Variants in SMC6 observed in about 807,000 individuals in gnomAD.
SMC6 encodes the protein structural maintenance of chromosomes 6.
SMC6 carries 79 observed loss-of-function variants against 142.2 expected under a neutral mutation model. That is an observed-to-expected ratio of 0.56 (90% CI 0.46 to 0.67). SMC6 has a LOEUF of 0.67. Among genes scored for constraint, SMC6 ranks in the 30% least tolerant of loss-of-function variants. The probability of loss-of-function intolerance (pLI) is 0.00; values close to 1 mark genes in which losing one functional copy is unlikely to be tolerated. For missense variants in SMC6, 1,072 were observed against 1,284.0 expected (o/e 0.83, Z 2.52); for synonymous variants, 411 against 412.4 (o/e 1.00, Z 0.04).
At chr2:17,727,217 A>AAAG (rs1195501119) in intron 7 of SMC6, among the ~76,000 whole-genome samples, 1 of 152,162 alleles carries the variant, frequency 6.6e-6, no homozygotes, top group Non-Finnish European at 1.5e-5. Context: ...CTAACATTTC[A>AAAG]GTCAGTGGGC....
intron 25 of SMC6, among the ~76,000 whole-genome samples, chr2:17,671,674 C>A (rs1053907861): frequency 2.1e-5 from 3 of 143,900 alleles, no homozygotes; most frequent in African/African-American, 5.1e-5. Flanking sequence ...TAAATAAAAT[C>A]TTTTAAAATT....
intron 3 of SMC6, 31 bp downstream of exon 3, chr2:17,745,795 CA>C (rs1399366775): frequency 2.6e-6 from 4 of 1,560,994 alleles, no homozygotes; most frequent in Middle Eastern, 1.7e-4. Flanking sequence ...AAAAACATAT[CA>C]AAAAGCATAA....
intron 1 of SMC6, among the ~76,000 whole-genome samples, chr2:17,753,330 C>CGGCCGCCTGGGAGGGGAA (rs1671175506): frequency 6.6e-6 from 1 of 151,664 alleles, no homozygotes; most frequent in Non-Finnish European, 1.5e-5. Context: ...AGTCTGGGGA[C>CGGCCGCCTGGGAGGGGAA]GGCCGCCTGG....
At chr2:17,680,855 A>C (rs1040150412) in intron 24 of SMC6, 3 of 152,246 alleles carry the variant, frequency 2.0e-5, no homozygotes, top group Non-Finnish European at 4.4e-5. Context: ...AATGGTAAAT[A>C]AACATTGGCT....
intron 19 of SMC6, among the ~76,000 whole-genome samples, chr2:17,702,187 T>C (rs1668301716): frequency 6.6e-6 from 1 of 152,202 alleles, no homozygotes; most frequent in African/African-American, 2.4e-5. Context: ...AGAAAAATTT[T>C]TCTGAAACAT....
intron 27 of SMC6, among the ~76,000 whole-genome samples, 154 bp from the exon 28 acceptor site, chr2:17,665,767 C>A (rs1337782716): frequency 6.6e-6 from 1 of 152,048 alleles, no homozygotes; most frequent in Non-Finnish European, 1.5e-5. Context: ...ACATCATTTG[C>A]AATAAGGAAA....
intron 5 of SMC6, among the ~76,000 whole-genome samples, chr2:17,737,438 G>A (rs943525743): frequency 6.6e-6 from 1 of 152,130 alleles, no homozygotes; most frequent in Non-Finnish European, 1.5e-5. Flanking sequence ...CAGCATTTGG[G>A]GCATTTTGCT....
rs970987947 is a variant in SMC6 at position 17,703,353 on chromosome 2, T to A, written c.2007-61A>T. ...ATCTTTTTCTCAATATTACAAATACTTTAGACCTTTACAAAGAAAGCCTTA... is the reference window on the plus strand; with the variant it reads ...ATCTTTTTCTCAATATTACAAATACATTAGACCTTTACAAAGAAAGCCTTA... On this transcript the variant is annotated intron_variant, in intron 18 of 27. Transcript: ENST00000448223. 22 of 1,443,282 alleles carry A rather than the reference T, an allele frequency of 1.5e-5. No homozygotes were observed. The African/African-American group carries it at 2.5e-4, about 16-fold the overall frequency. The allele number at this position is 1,443,282 out of a possible 1,614,324, so 89.4% of individuals were successfully genotyped here.
At position 17,696,358 on chromosome 2, in the gene SMC6, T is replaced by C; in HGVS notation, c.2463A>G (p.Lys821=). The change falls in exon 22 of 28, where the codon AAA becomes AAG. Residue 821 remains lysine (K), a synonymous_variant. Coordinates refer to ENST00000448223, the MANE Select transcript of SMC6 (RefSeq NM_001142286.2). The part of the protein sequence containing the change: ...QKRGKRHYEE[K]QKEHLDTLNK... ...TTAAGGTATCCAAGTGTTCTTTTTG[T>C]TTTTCTTCATAATGTCGTTTCCCTC... 6.2e-7 allele frequency: 1 copy of C among 1,611,768 alleles called. No individual in the cohort carries two copies. Among genetic ancestry groups the C allele is most frequent in the Non-Finnish European group, 8.5e-7 (1 of 1,179,540 alleles).
intron 23 of SMC6, among the ~76,000 whole-genome samples, chr2:17,684,832 TA>T (rs1667378381): frequency 6.6e-6 from 1 of 151,198 alleles, no homozygotes; most frequent in Non-Finnish European, 1.5e-5. Context: ...TCTTAAAGAA[TA>T]AAAACAAACA....
At chr2:17,677,005 ACTT>A (rs750565357) in intron 25 of SMC6, among the ~76,000 whole-genome samples, 1 of 152,160 alleles carries the variant, frequency 6.6e-6, no homozygotes, top group South Asian at 2.1e-4. Context: ...GAAGAATTTT[ACTT>A]CTTCTGTTCC....
Position 17,670,448 on chromosome 2 carries a change from C to A in SMC6, c.3038G>T (p.Cys1013Phe). Residue 1013 changes from cysteine to phenylalanine, a missense_variant, in exon 26 of 28, where the codon TGC (cysteine) becomes TTC (phenylalanine). Coordinates refer to ENST00000448223, the MANE Select transcript of SMC6 (RefSeq NM_001142286.2). ...CATGTAGACATCAAATTCATCCAGG[C>A]ATCTGAAAGGAGATTCTGCGATGGA... The part of the protein sequence containing the change: ...LWSIAESPFR[C>F]LDEFDVYMDM... The A allele has an allele frequency of 6.2e-7, 1 of 1,613,458 alleles. No individual in the cohort carries two copies. The highest frequency in any genetic ancestry group is 8.5e-7 in the Non-Finnish European group (1 of 1,179,732).
chr2:17,716,879 C>A lies in SMC6; in HGVS notation c.1208G>T (p.Arg403Leu), dbSNP rs139941542. 1 of 1,609,936 alleles carries A rather than the reference C, an allele frequency of 6.2e-7. No homozygotes were observed. Among genetic ancestry groups the A allele is most frequent in the Admixed American group, 1.7e-5 (1 of 59,316 alleles). The change falls in exon 14 of 28, where the codon CGG becomes CTG. Residue 403 changes from arginine (R) to leucine (L), a missense_variant. Physicochemically the swap from Arg to Leu is moderately radical, Grantham distance 102 (BLOSUM62 -2). Transcript: ENST00000448223. Reference sequence around the variant, plus strand: ...AGATATTTTTTTTTGTCTTTCCAACCGTTCAGGTTCCAAAGATTGGTCAGT... The same window carrying A: ...AGATATTTTTTTTTGTCTTTCCAACAGTTCAGGTTCCAAAGATTGGTCAGT... The part of the protein sequence containing the change: ...KSTDQSLEPE[R>L]LERQKKISWL...
At chr2:17,707,499 C>A (rs994978260) in intron 17 of SMC6, 120 bp from the exon 18 acceptor site, 9 of 533,926 alleles carry the variant, frequency 1.7e-5, no homozygotes, top group East Asian at 3.6e-5. Flanking sequence ...CTTTTTAAAA[C>A]ATTCAAATAA....
intron 2 of SMC6, among the ~76,000 whole-genome samples, chr2:17,749,362 A>G (rs184819366): frequency 2.0e-5 from 3 of 152,318 alleles, no homozygotes; most frequent in East Asian, 1.9e-4. Context: ...AAGCAGGAAC[A>G]ATGAAGATTA....
chr2:17,678,300 C>T (rs531396027), intron 25 of SMC6, among the ~76,000 whole-genome samples: 1 of 152,114 alleles, frequency 6.6e-6, no homozygotes, highest in South Asian at 2.1e-4. Flanking sequence ...ATACTTGTCA[C>T]TGAAAAAAAC....
chr2:17,688,427 C>CAGTG (rs1395773134), intron 23 of SMC6, among the ~76,000 whole-genome samples: 1 of 151,862 alleles, frequency 6.6e-6, no homozygotes, highest in Non-Finnish European at 1.5e-5. Context: ...ATAGGCCATG[C>CAGTG]AGTGGCTCAT....
intron 23 of SMC6, among the ~76,000 whole-genome samples, chr2:17,694,766 T>C (rs1476050527): frequency 7.2e-6 from 1 of 139,712 alleles, no homozygotes; most frequent in Non-Finnish European, 1.6e-5. Context: ...AATATGAAAA[T>C]ATCCATTTCA....
In SMC6 at chr2:17,737,445, T is replaced by C. The variant is rs145527340; in HGVS notation, c.344+776A>G. Among the ~76,000 whole-genome samples the C allele has an allele frequency of 2.8e-3, 422 of 152,346 alleles. 4 individuals are homozygous for C. Among genetic ancestry groups the C allele is most frequent in the African/African-American group, 9.3e-3 (387 of 41,580 alleles). The stretch of plus-strand genomic sequence containing the variant: ...ATGTATGACAGCATTTGGGGCATTT[T>C]GCTGTTATGAAAAACAAAGATCCCT... On this transcript the variant is annotated intron_variant, in intron 5 of 27. Transcript: ENST00000448223.
Sources: gnomAD v4.1 joint callset for allele counts (sites outside exome capture counted in the v4.1 genomes callset) on GRCh38, gnomAD v4.1.1 for gene constraint, MANE v1.5 for transcripts, NCBI Gene and HGNC (gene_info 2026-07-23, HGNC 2026-07-21) for gene names.